Variants in TRMT11 observed in about 807,000 individuals in gnomAD.
TRMT11 encodes tRNA (guanine(10)-N(2))-methyltransferase TRMT11.
Under a neutral mutation model 62.8 loss-of-function variants are expected in TRMT11, and 53 were observed. The observed-to-expected ratio is 0.84, with a 90% CI of 0.68 to 1.06. TRMT11 has a LOEUF of 1.06. TRMT11 is among the 50% of genes least tolerant of loss of function. The pLI is 0.00. For synonymous variants in TRMT11, 188 were observed against 190.3 expected (o/e 0.99, Z 0.10); for missense variants, 556 against 553.4 (o/e 1.00, Z -0.05).
intron 17 of TRMT11, among the ~76,000 whole-genome samples, chr6:126,110,346 C>T (rs1446593893): frequency 6.6e-6 from 1 of 152,084 alleles, no homozygotes; most frequent in Non-Finnish European, 1.5e-5. Flanking sequence ...GAAATATGGT[C>T]TCTTTTCCAT....
chr6:126,110,368 G>C (rs1030184541), intron 17 of TRMT11, among the ~76,000 whole-genome samples: 3 of 152,088 alleles, frequency 2.0e-5, no homozygotes, highest in African/African-American at 7.2e-5. Flanking sequence ...CCTCCAAGTT[G>C]CTTTTACATG....
chr6:126,243,949 G>A, the TRMT11 span, among the ~76,000 whole-genome samples: 1 of 151,506 alleles, frequency 6.6e-6, no homozygotes, highest in Non-Finnish European at 1.5e-5. Flanking sequence ...AGGGCCAGAA[G>A]AAAAAAAGCA....
intron 17 of TRMT11, among the ~76,000 whole-genome samples, chr6:126,065,263 A>G (rs549116532): frequency 3.9e-5 from 6 of 152,252 alleles, no homozygotes; most frequent in Admixed American, 2.6e-4. Flanking sequence ...AATTGGTCAA[A>G]TAATCTTGTT....
chr6:126,045,071 C>A (rs557350462), intron 16 of TRMT11, among the ~76,000 whole-genome samples: 1 of 152,036 alleles, frequency 6.6e-6, no homozygotes, highest in African/African-American at 2.4e-5. Context: ...GCCTATAATC[C>A]CAGCTACTCT....
chr6:125,989,522 G>A (rs2128729147), intron 1 of TRMT11, among the ~76,000 whole-genome samples: 1 of 152,282 alleles, frequency 6.6e-6, no homozygotes, highest in Middle Eastern at 3.4e-3. Flanking sequence ...TGAAGTACGA[G>A]AGAAAAGATA....
chr6:126,027,116 C>G (rs971639134), intron 12 of TRMT11, among the ~76,000 whole-genome samples: 1 of 151,964 alleles, frequency 6.6e-6, no homozygotes, highest in African/African-American at 2.4e-5. Context: ...GTTTGTTTTA[C>G]TAGATCTTGC....
intron 21 of TRMT11, among the ~76,000 whole-genome samples, chr6:126,155,389 A>G (rs1405964476): frequency 2.6e-5 from 4 of 152,194 alleles, no homozygotes; most frequent in Non-Finnish European, 5.9e-5. Context: ...ACATTTTAAC[A>G]TGAGATCTGG....
chr6:126,056,829 C>T (rs1229172991), intron 17 of TRMT11, among the ~76,000 whole-genome samples: 1 of 152,128 alleles, frequency 6.6e-6, no homozygotes, highest in Non-Finnish European at 1.5e-5. Context: ...GGGCTGGAGC[C>T]CTTCTTTATC....
chr6:126,209,302 C>T, the TRMT11 span, among the ~76,000 whole-genome samples: 2 of 152,114 alleles, frequency 1.3e-5, no homozygotes, highest in African/African-American at 4.8e-5. Flanking sequence ...TTTACTAGGT[C>T]TTTTCTAACT....
Position 125,995,958 on chromosome 6 carries a change from T to G in TRMT11, c.139-9T>G. 6.3e-7 allele frequency: 1 copy of G among 1,578,792 alleles called. No homozygotes were observed. The highest frequency in any genetic ancestry group is 8.7e-7 in the Non-Finnish European group (1 of 1,147,976). On this transcript the variant is annotated splice_polypyrimidine_tract_variant and intron_variant, in intron 2 of 12. Transcript: ENST00000334379. Reference sequence around the variant, plus strand: ...TTAGAATTAAGTTGCATATTGTTATTTCTTTTAGTCACCATTTTGGATTCT... The same window carrying G: ...TTAGAATTAAGTTGCATATTGTTATGTCTTTTAGTCACCATTTTGGATTCT...
chr6:126,039,480 A>G (rs556977637), downstream of TRMT11, among the ~76,000 whole-genome samples: 1 of 152,092 alleles, frequency 6.6e-6, no homozygotes, highest in Non-Finnish European at 1.5e-5. Context: ...CTGCATTCCT[A>G]ACCGTTGACT....
At chr6:126,164,153 C>T (rs1778231635) in intron 21 of TRMT11, among the ~76,000 whole-genome samples, 1 of 152,202 alleles carries the variant, frequency 6.6e-6, no homozygotes, top group Non-Finnish European at 1.5e-5. Context: ...AGCTGCATCC[C>T]AGAGATTCTG....
At chr6:126,224,997 C>G in the TRMT11 span, among the ~76,000 whole-genome samples, 10 of 152,184 alleles carry the variant, frequency 6.6e-5, 1 homozygote, top group Admixed American at 2.0e-4. Context: ...GTGGGTGTGG[C>G]CACGAGGGAG....
intron 17 of TRMT11, among the ~76,000 whole-genome samples, chr6:126,093,635 T>TTC (rs1777307697): frequency 1.5e-5 from 1 of 67,636 alleles, no homozygotes; most frequent in South Asian, 4.8e-4. Flanking sequence ...ATATATATTT[T>TTC]CCCCCAGTCC....
Position 125,986,542 on chromosome 6 carries a change from G to T in TRMT11, c.-9G>T, listed in dbSNP as rs994451354. The T allele has an allele frequency of 8.2e-6, 13 of 1,583,322 alleles. No homozygotes were observed. The highest frequency in any genetic ancestry group is 5.4e-5 in the African/African-American group (4 of 74,644). Reference sequence around the variant, plus strand: ...CGCGGGCCGCGCAGGCGCACGGTGGGCAGCTGCAATGGCGCTGTCGTGTAC... The same window carrying T: ...CGCGGGCCGCGCAGGCGCACGGTGGTCAGCTGCAATGGCGCTGTCGTGTAC... On this transcript the variant is annotated 5_prime_UTR_variant, in exon 1 of 13. Coordinates refer to ENST00000334379, the MANE Select transcript of TRMT11 (RefSeq NM_001031712.3).
intron 1 of TRMT11, chr6:125,987,172 A>G (rs918782876): frequency 6.5e-5 from 10 of 152,834 alleles, no homozygotes; most frequent in African/African-American, 1.7e-4. Flanking sequence ...GAGCAGACAC[A>G]TAGGCGTAGA....
intron 12 of TRMT11, among the ~76,000 whole-genome samples, chr6:126,021,784 T>C (rs1795849715): frequency 6.6e-6 from 1 of 152,210 alleles, no homozygotes; most frequent in South Asian, 2.1e-4. Flanking sequence ...TACATTCTTA[T>C]AAAATTCATA....
At chr6:126,244,195 A>G in the TRMT11 span, among the ~76,000 whole-genome samples, 1 of 151,900 alleles carries the variant, frequency 6.6e-6, no homozygotes, top group Non-Finnish European at 1.5e-5. Context: ...AATCCCCATC[A>G]GTGTATGGGA....
At chr6:126,166,677 C>G (rs1778270516) in intron 21 of TRMT11, among the ~76,000 whole-genome samples, 1 of 152,232 alleles carries the variant, frequency 6.6e-6, no homozygotes, top group African/African-American at 2.4e-5. Flanking sequence ...AGCCAGCAGG[C>G]AGGAGCATTT....
Sources: gnomAD v4.1 joint callset for allele counts (sites outside exome capture counted in the v4.1 genomes callset) on GRCh38, gnomAD v4.1.1 for gene constraint, MANE v1.5 for transcripts, NCBI Gene and HGNC (gene_info 2026-07-23, HGNC 2026-07-21) for gene names.